The following ATXN3 variants were observed in gnomAD, a reference collection of about 807,000 sequenced individuals.
ATXN3 encodes the protein ataxin-3.
ATXN3 carries 28 observed loss-of-function variants against 58.2 expected under a neutral mutation model. That is an observed-to-expected ratio of 0.48 (90% CI 0.36 to 0.66). The LOEUF is 0.66. ATXN3 is among the 30% of genes least tolerant of loss of function. The pLI is 0.00. For synonymous variants in ATXN3, 113 were observed against 138.5 expected (o/e 0.82, Z 1.29); for missense variants, 321 against 422.1 (o/e 0.76, Z 2.10).
intron 10 of ATXN3, among the ~76,000 whole-genome samples, chr14:92,065,153 T>C (rs2058164794): frequency 6.6e-6 from 1 of 152,218 alleles, no homozygotes; most frequent in South Asian, 2.1e-4. Flanking sequence ...AAACCACTAA[T>C]ATGTTCTCTA....
At chr14:92,093,950 T>TG (rs111923598) in intron 3 of ATXN3, 119 bp from the exon 4 acceptor site, 42,547 of 553,416 alleles carry the variant, frequency 0.077, 1,117 homozygotes, top group Non-Finnish European at 0.09. Context: ...ATAGGTTTTT[T>TG]TTTTTTTTTT....
chr14:92,082,649 CTTTT>C (rs34366039), intron 7 of ATXN3, among the ~76,000 whole-genome samples, 183 bp from the exon 8 acceptor site: 42 of 132,878 alleles, frequency 3.2e-4, no homozygotes, highest in East Asian at 1.1e-3. Context: ...TTTTCCGTTT[CTTTT>C]TTTTTTTTTT....
At chr14:92,048,636 G>A (rs981999287) in intron 1 of ATXN3, among the ~76,000 whole-genome samples, 1 of 152,206 alleles carries the variant, frequency 6.6e-6, no homozygotes, top group African/African-American at 2.4e-5. Flanking sequence ...TTCAGCTCCA[G>A]CCACCTCTTT....
chr14:92,073,268 G>A (rs896707192), intron 9 of ATXN3, among the ~76,000 whole-genome samples: 4 of 152,218 alleles, frequency 2.6e-5, no homozygotes, highest in Non-Finnish European at 5.9e-5. Flanking sequence ...AAGACACTGA[G>A]GTGGAACATG....
intron 10 of ATXN3, among the ~76,000 whole-genome samples, chr14:92,068,353 C>A (rs775378635): frequency 6.6e-6 from 1 of 152,164 alleles, no homozygotes; most frequent in Non-Finnish European, 1.5e-5. Context: ...TTTTGTTTGA[C>A]TGGAGTCAAG....
chr14:92,102,542 C>T (rs1370934895), intron 1 of ATXN3, among the ~76,000 whole-genome samples: 1 of 152,166 alleles, frequency 6.6e-6, no homozygotes. Flanking sequence ...AAGGTGCTCT[C>T]GGGAATGGGC....
chr14:92,102,894 C>T (rs2067169416), intron 1 of ATXN3, among the ~76,000 whole-genome samples: 1 of 152,152 alleles, frequency 6.6e-6, no homozygotes. Flanking sequence ...AATTTGGCTT[C>T]TCCTAAAGCT....
upstream of ATXN3, among the ~76,000 whole-genome samples, chr14:92,051,250 T>C (rs2057446753): frequency 6.6e-6 from 1 of 152,246 alleles, no homozygotes; most frequent in South Asian, 2.1e-4. Flanking sequence ...ACCAAGATTA[T>C]ATTGCCTTGA....
chr14:92,088,099 C>T (rs539431582), intron 6 of ATXN3, among the ~76,000 whole-genome samples: 5 of 150,666 alleles, frequency 3.3e-5, no homozygotes, highest in Middle Eastern at 6.9e-3. Context: ...GACGGAGTCT[C>T]GCTCTGTCGC....
intron 2 of ATXN3, among the ~76,000 whole-genome samples, chr14:92,047,477 G>A (rs1437653365): frequency 1.3e-5 from 2 of 152,300 alleles, no homozygotes; most frequent in African/African-American, 2.4e-5. Context: ...CCAGGTAAGG[G>A]TGATTAGGTT....
At chr14:92,098,625 T>C (rs1399189053) in intron 1 of ATXN3, among the ~76,000 whole-genome samples, 1 of 152,160 alleles carries the variant, frequency 6.6e-6, no homozygotes, top group Non-Finnish European at 1.5e-5. Context: ...ACAATCTAAA[T>C]GCTTGTTGAT....
At chr14:92,082,520 A>G in intron 7 of ATXN3, 54 bp from the exon 8 acceptor site, 1 of 1,483,202 alleles carries the variant, frequency 6.7e-7, no homozygotes, top group Non-Finnish European at 9.1e-7. Context: ...TTTTAGACAT[A>G]ACATAAAGGC....
chr14:92,072,001 GAT>G (rs1173092171), intron 9 of ATXN3, among the ~76,000 whole-genome samples: 4 of 152,156 alleles, frequency 2.6e-5, no homozygotes, highest in Non-Finnish European at 4.4e-5. Flanking sequence ...CCCCAGTGCT[GAT>G]AACTGTGCTG....
chr14:92,088,472 T>C (rs1415156519), intron 6 of ATXN3, among the ~76,000 whole-genome samples: 1 of 152,154 alleles, frequency 6.6e-6, no homozygotes, highest in Non-Finnish European at 1.5e-5. Context: ...AGCCGTGTGA[T>C]ATGTGATGTA....
intron 3 of ATXN3, among the ~76,000 whole-genome samples, chr14:92,095,293 G>C (rs903163133): frequency 2.0e-5 from 3 of 152,076 alleles, no homozygotes; most frequent in Admixed American, 1.3e-4. Context: ...CACCAGGCTA[G>C]AGTGCAGTGG....
chr14:92,106,330 G>A (rs1013939796), intron 1 of ATXN3, among the ~76,000 whole-genome samples, 199 bp downstream of exon 1: 3 of 151,718 alleles, frequency 2.0e-5, no homozygotes, highest in African/African-American at 7.3e-5. Flanking sequence ...CCAGGGCGGG[G>A]GCCGCGGGGG....
At position 92,064,196 on chromosome 14, in the gene ATXN3, G is replaced by C. The variant is rs2057986607; in HGVS notation, c.*124C>G. On this transcript the variant is annotated 3_prime_UTR_variant, in exon 11 of 11. Coordinates refer to ENST00000644486, the MANE Select transcript of ATXN3 (RefSeq NM_004993.6). ...CATTGTTCCACTTTCCCATCATTTTGTTTGCAAACCGCTAAAAGTCTTATT... is the reference window on the plus strand; with the variant it reads ...CATTGTTCCACTTTCCCATCATTTTCTTTGCAAACCGCTAAAAGTCTTATT... The C allele has an allele frequency of 5.1e-6, 3 of 590,784 alleles. No homozygotes were observed. The highest frequency in any genetic ancestry group is 1.9e-5 in the African/African-American group (1 of 52,578). 36.6% of individuals were successfully genotyped at this position (590,784 alleles called of 1,614,324 possible).
intron 9 of ATXN3, among the ~76,000 whole-genome samples, chr14:92,072,694 T>TAAAAAAAAAAA (rs33967699): frequency 1.1e-5 from 1 of 90,992 alleles, no homozygotes; most frequent in Non-Finnish European, 2.1e-5. Context: ...AGCTATAGGT[T>TAAAAAAAAAAA]AAAAAAAAAA....
intron 7 of ATXN3, 136 bp downstream of exon 7, chr14:92,082,990 A>G (rs1381809663): frequency 9.2e-7 from 1 of 1,083,062 alleles, no homozygotes; most frequent in Non-Finnish European, 1.3e-6. Flanking sequence ...GTTTAAACTA[A>G]TAAACTTCAC....
Sources: allele counts gnomAD v4.1 joint callset (sites outside exome capture counted in the v4.1 genomes callset), GRCh38; gene constraint gnomAD v4.1.1; transcripts MANE v1.5; gene names NCBI Gene and HGNC (gene_info 2026-07-23, HGNC 2026-07-21).